KIF27: variants seen among roughly 807,000 people sequenced by gnomAD.
KIF27 encodes the protein kinesin-like protein KIF27.
KIF27 carries 84 observed loss-of-function variants against 141.8 expected under a neutral mutation model. The observed-to-expected ratio is 0.59, with a 90% CI of 0.50 to 0.71. The LOEUF is 0.71. Ranked by LOEUF, KIF27 falls within the 30% of genes least tolerant of loss-of-function variation. KIF27 has a pLI of 0.00. For synonymous variants in KIF27, 471 were observed against 569.5 expected (o/e 0.83, Z 2.46); for missense variants, 1,306 against 1,628.4 (o/e 0.80, Z 3.41).
At chr9:83,900,604 G>T (rs1178214493) in intron 4 of KIF27, among the ~76,000 whole-genome samples, 1 of 149,786 alleles carries the variant, frequency 6.7e-6, no homozygotes, top group Non-Finnish European at 1.5e-5. Context: ...AAGAAAAGAA[G>T]TCATTATACA....
At chr9:83,865,892 A>G (rs1218465075) in intron 13 of KIF27, among the ~76,000 whole-genome samples, 2 of 152,206 alleles carry the variant, frequency 1.3e-5, no homozygotes, top group Non-Finnish European at 2.9e-5. Flanking sequence ...GGGGGCTTCC[A>G]AATTTAAGAG....
At position 83,835,694 on chromosome 9, in the gene KIF27, C is replaced by T. The variant is rs1306655019; in HGVS notation, c.*1307G>A. 1.3e-5 allele frequency: 2 copies of T among 151,862 alleles called. No homozygotes were observed. Among genetic ancestry groups the T allele is most frequent in the Non-Finnish European group, 2.9e-5 (2 of 67,986 alleles). The allele number at this position is 151,862 out of a possible 1,614,324, so 9.4% of individuals were successfully genotyped here. On this transcript the variant is annotated 3_prime_UTR_variant, in exon 18 of 18. Coordinates refer to ENST00000297814, the MANE Select transcript of KIF27 (RefSeq NM_017576.4). ...AAATCCACAGCAACAGAGGAAAGGA[C>T]AAAAGGAAAAGGTCTGTAGCAGCAC...
intron 1 of KIF27, among the ~76,000 whole-genome samples, chr9:83,918,874 G>A (rs778969623): frequency 1.3e-5 from 2 of 151,950 alleles, no homozygotes; most frequent in Non-Finnish European, 2.9e-5. Context: ...TCAGGAGTTC[G>A]AGACCAGCCT....
chr9:83,836,997 A>G lies in KIF27; in HGVS notation c.*4T>C, dbSNP rs1226162482. 9 of 1,613,120 alleles carry G rather than the reference A, an allele frequency of 5.6e-6. No individual in the cohort carries two copies. Among genetic ancestry groups the G allele is most frequent in the Middle Eastern group, 1.7e-4 (1 of 6,044 alleles). On this transcript the variant is annotated 3_prime_UTR_variant, in exon 18 of 18. Coordinates refer to ENST00000297814, the MANE Select transcript of KIF27 (RefSeq NM_017576.4). ...TATCTACTAAAAGTTCTATTATTCA[A>G]TGTCTAAGTTTTTAAGTCCCTTGGT...
intron 5 of KIF27, among the ~76,000 whole-genome samples, chr9:83,892,671 A>G (rs868541767): frequency 2.1e-4 from 32 of 152,192 alleles, no homozygotes; most frequent in African/African-American, 7.2e-4. Context: ...CTTACAAGAA[A>G]CATATCTAAA....
At chr9:83,887,294 G>A in intron 8 of KIF27, 98 bp from the exon 9 acceptor site, 1 of 774,674 alleles carries the variant, frequency 1.3e-6, no homozygotes, top group Non-Finnish European at 1.9e-6. Context: ...CAATTTAGAG[G>A]TGGCAGTGGA....
intron 11 of KIF27, among the ~76,000 whole-genome samples, chr9:83,873,979 G>T (rs1222335523): frequency 6.6e-6 from 1 of 151,764 alleles, no homozygotes; most frequent in Admixed American, 6.6e-5. Context: ...ATGAACCCGG[G>T]AGGCGGAGCT....
chr9:83,914,336 C>T (rs1955485664), intron 2 of KIF27, among the ~76,000 whole-genome samples: 1 of 151,902 alleles, frequency 6.6e-6, no homozygotes, highest in Admixed American at 6.6e-5. Flanking sequence ...GCAGAATATA[C>T]AGATTGTTTT....
intron 11 of KIF27, chr9:83,879,984 A>G (rs1377085557): frequency 6.0e-6 from 3 of 496,094 alleles, no homozygotes; most frequent in Non-Finnish European, 1.1e-5. Context: ...TATTCAAATG[A>G]TAGGTATTAT....
intron 9 of KIF27, 71 bp downstream of exon 9, chr9:83,886,970 C>G: frequency 6.9e-7 from 1 of 1,447,042 alleles, no homozygotes; most frequent in Non-Finnish European, 9.1e-7. Context: ...ACTAAAGTAA[C>G]TGTTACCACA....
chr9:83,864,787 C>T (rs527238331), intron 13 of KIF27, among the ~76,000 whole-genome samples: 1 of 152,188 alleles, frequency 6.6e-6, no homozygotes, highest in African/African-American at 2.4e-5. Flanking sequence ...TAAAAGTCTC[C>T]CATTATTATT....
chr9:83,866,897 A>T (rs892769620), intron 13 of KIF27, among the ~76,000 whole-genome samples: 1 of 151,906 alleles, frequency 6.6e-6, no homozygotes, highest in Non-Finnish European at 1.5e-5. Flanking sequence ...ATGGTTTTTC[A>T]TATATTCACA....
intron 12 of KIF27, among the ~76,000 whole-genome samples, chr9:83,869,709 A>G (rs1950617161): frequency 6.6e-6 from 1 of 152,312 alleles, no homozygotes; most frequent in East Asian, 1.9e-4. Context: ...CCTGGGTGAC[A>G]GAGCGAGACT....
At chr9:83,915,241 T>C in intron 2 of KIF27, 53 bp downstream of exon 2, 2 of 1,475,848 alleles carry the variant, frequency 1.4e-6, no homozygotes, top group Non-Finnish European at 1.8e-6. Flanking sequence ...TTGGTCATAT[T>C]TTTGCTTCTT....
intron 5 of KIF27, 110 bp from the exon 6 acceptor site, chr9:83,891,611 A>G (rs1188227461): frequency 4.0e-6 from 4 of 1,003,162 alleles, no homozygotes; most frequent in Non-Finnish European, 5.8e-6. Context: ...TTAATAATAC[A>G]GTCAATTCTC....
chr9:83,916,878 CG>C (rs1034598329), intron 1 of KIF27, among the ~76,000 whole-genome samples: 4 of 151,982 alleles, frequency 2.6e-5, no homozygotes, highest in African/African-American at 9.7e-5. Context: ...TTAGCCAGGA[CG>C]GTCTCGATCT....
intron 15 of KIF27, 112 bp downstream of exon 15, chr9:83,853,517 C>T (rs1239208401): frequency 2.4e-5 from 17 of 694,252 alleles, no homozygotes; most frequent in Non-Finnish European, 4.1e-5. Context: ...TTTGTAGTTA[C>T]ATCATCAAAT....
At position 83,883,804 on chromosome 9, in the gene KIF27, T is replaced by G; in HGVS notation, c.2445+9A>C. Reference sequence around the variant, plus strand: ...AAATAAGTTTTCTCAATTACATTTTTTAAATTACCTGAACTCTCAGCTTTG... The same window carrying G: ...AAATAAGTTTTCTCAATTACATTTTGTAAATTACCTGAACTCTCAGCTTTG... On this transcript the variant is annotated intron_variant, in intron 10 of 17. Coordinates refer to ENST00000297814, the MANE Select transcript of KIF27 (RefSeq NM_017576.4). 1 of 1,592,886 alleles carries G rather than the reference T, an allele frequency of 6.3e-7. No homozygotes were observed. Among genetic ancestry groups the G allele is most frequent in the Non-Finnish European group, 8.6e-7 (1 of 1,164,330 alleles).
Position 83,891,501 on chromosome 9 carries a change from T to C in KIF27, c.1603A>G (p.Asn535Asp). ...KEAQKVNRLQ[N>D]EKIIEQQLLV... ...AGTTGTTGTTCTATTATTTTTTCAT[T>C]CTTTGTAGAAGAGAGATGAAAATTT... Residue 535 changes from asparagine (N) to aspartate (D), a missense_variant and splice_region_variant, in exon 6 of 18, where the codon AAT (asparagine) becomes GAT (aspartate). This residue lies in a region of KIF27 where 596 missense variants were observed against 751.6 expected (regional missense o/e 0.79). Coordinates refer to ENST00000297814, the MANE Select transcript of KIF27 (RefSeq NM_017576.4). The C allele has an allele frequency of 6.2e-7, 1 of 1,606,100 alleles. No individual in the cohort carries two copies. The highest frequency in any genetic ancestry group is 1.3e-5 in the African/African-American group (1 of 74,744).
Sources: gnomAD v4.1 joint callset for allele counts (sites outside exome capture counted in the v4.1 genomes callset) on GRCh38, gnomAD v4.1.1 for gene constraint, gnomAD v4.1.1 regional missense constraint, MANE v1.5 for transcripts, NCBI Gene and HGNC (gene_info 2026-07-23, HGNC 2026-07-21) for gene names.